The following FANCD2 variants were observed in gnomAD, a reference collection of about 807,000 sequenced individuals.
FANCD2 encodes Fanconi anemia group D2 protein.
A neutral mutation model predicts 192.3 loss-of-function variants in FANCD2; 131 were observed. The observed-to-expected ratio is 0.68, with a 90% CI of 0.59 to 0.79. The LOEUF (loss-of-function observed/expected upper bound fraction) is 0.79, where lower values mean the gene tolerates loss of function less well. Ranked by LOEUF, FANCD2 falls within the 30% of genes least tolerant of loss-of-function variation. The probability of loss-of-function intolerance (pLI) is 0.00; values close to 1 mark genes in which losing one functional copy is unlikely to be tolerated. For synonymous variants in FANCD2, 524 were observed against 612.5 expected, an observed-to-expected ratio of 0.86 and a Z score of 2.13; for missense variants, 1,508 against 1,701.6, an observed-to-expected ratio of 0.89 and a Z score of 2.00.
chr3:10,093,738 C>T (rs1232490197), intron 39 of FANCD2, among the ~76,000 whole-genome samples: 1 of 152,098 alleles, frequency 6.6e-6, no homozygotes, highest in Admixed American at 6.6e-5. Context: ...CCTGTATTAG[C>T]CCTAGATTTG....
intron 26 of FANCD2, among the ~76,000 whole-genome samples, chr3:10,069,651 A>ACGGGGTTT (rs1252707486): frequency 6.6e-6 from 1 of 151,646 alleles, no homozygotes; most frequent in Admixed American, 6.6e-5. Flanking sequence ...TTTGGTGGAG[A>ACGGGGTTT]CGGGGTTTCG....
At position 10,051,364 on chromosome 3, in the gene FANCD2, G is replaced by C. The variant is rs1233027605; in HGVS notation, c.1546-1023G>C. 5.2e-5 allele frequency among the ~76,000 whole-genome samples: 6 copies of C among 115,596 alleles called. No individual in the cohort carries two copies. The East Asian group carries it at 1.9e-3, about 36-fold the overall frequency. 75.8% of individuals were successfully genotyped at this position (115,596 alleles called of 152,430 possible). ...CCACTGCACTCCAGCCTGGGCGACA[G>C]AGCGAGACTCCGTCTCAAAAAAAAA... On this transcript the variant is annotated intron_variant, in intron 17 of 43. Transcript: ENST00000675286.
chr3:10,062,261 T>A (rs767147846), intron 20 of FANCD2, 50 bp downstream of exon 20: 24 of 1,380,802 alleles, frequency 1.7e-5, no homozygotes, highest in East Asian at 1.6e-4. Flanking sequence ...TTTTTTTTTT[T>A]AGAGAGTCTC....
At chr3:10,058,877 ATGT>A (rs1317275227) in intron 18 of FANCD2, among the ~76,000 whole-genome samples, 4 of 152,178 alleles carry the variant, frequency 2.6e-5, no homozygotes, top group African/African-American at 9.7e-5. Context: ...TCTGCAAAAC[ATGT>A]TGTGGGACTT....
intron 9 of FANCD2, chr3:10,040,882 CTT>C (rs111812387): frequency 3.1e-3 from 525 of 167,046 alleles, no homozygotes; most frequent in South Asian, 9.3e-3. Context: ...TTTGTATAGT[CTT>C]TTTTTTTTTT....
rs749465456 is a variant in FANCD2 at position 10,081,425 on chromosome 3, A to C, written c.3185A>C (p.Tyr1062Ser). 4 of 1,614,064 alleles carry C rather than the reference A, an allele frequency of 2.5e-6. No homozygotes were observed. In the Admixed American group the frequency reaches 6.7e-5, roughly 27 times the overall value. The stretch of plus-strand genomic sequence containing the variant: ...GAGTACCACATAATGTCTTCCTGCT[A>C]TCAGAGGCTGCTGCAGATTTTTCAT... ...VQEYHIMSSC[Y>S]QRLLQIFHGL... Residue 1062 changes from tyrosine to serine, a missense_variant, in exon 32 of 44, where the codon TAT becomes TCT. By Grantham distance (144) the Tyr-to-Ser change is moderately radical. This residue lies in a region of FANCD2 where 796 missense variants were observed against 879.4 expected (regional missense o/e 0.91). Coordinates refer to ENST00000675286, the MANE Select transcript of FANCD2 (RefSeq NM_001018115.3).
chr3:10,077,541 C>T (rs1693603322), intron 29 of FANCD2, among the ~76,000 whole-genome samples: 1 of 150,924 alleles, frequency 6.6e-6, no homozygotes, highest in Non-Finnish European at 1.5e-5. Context: ...GGTGACGGAA[C>T]AAGACTCTGT....
Position 10,101,771 on chromosome 3 carries a change from T to C in FANCD2, c.*509T>C, listed in dbSNP as rs572357255. On this transcript the variant is annotated 3_prime_UTR_variant, in exon 44 of 44. Coordinates refer to ENST00000675286, the MANE Select transcript of FANCD2 (RefSeq NM_001018115.3). Reference sequence around the variant, plus strand: ...CACAGTCCCTGGCTCAGGATTCTAATGTAGCATTATTTATTGGTTTGGATA... The same window carrying C: ...CACAGTCCCTGGCTCAGGATTCTAACGTAGCATTATTTATTGGTTTGGATA... 1 of 208,778 alleles carries C rather than the reference T, an allele frequency of 4.8e-6. No individual in the cohort carries two copies. The highest frequency in any genetic ancestry group is 1.4e-4 in the South Asian group (1 of 7,026). The allele number at this position is 208,778 out of a possible 1,614,324, so 12.9% of individuals were successfully genotyped here. A position where few individuals can be genotyped will look rare whatever the true frequency, so the allele number is the denominator to read the frequency against.
chr3:10,072,044 G>T (rs755140002), intron 26 of FANCD2, among the ~76,000 whole-genome samples: 13 of 152,120 alleles, frequency 8.5e-5, no homozygotes, highest in Non-Finnish European at 1.9e-4. Flanking sequence ...ACAGGCATGA[G>T]CCAGAGAGCC....
At chr3:10,080,987 C>A (rs1575823405) in intron 30 of FANCD2, 113 bp from the exon 31 acceptor site, 2 of 1,124,746 alleles carry the variant, frequency 1.8e-6, no homozygotes, top group East Asian at 4.7e-5. Context: ...CAACTCATTT[C>A]TCCCATCTGC....
At chr3:10,063,690 C>T (rs189988503) in intron 20 of FANCD2, 102 bp from the exon 21 acceptor site, 1 of 1,471,510 alleles carries the variant, frequency 6.8e-7, no homozygotes, top group Non-Finnish European at 9.5e-7. Context: ...TAGAGCTTTG[C>T]CAGTAAAATC....
chr3:10,064,801 C>T lies in FANCD2; in HGVS notation c.2094C>T (p.Asn698=). Reference sequence around the variant, plus strand: ...ACACTCAGGATGGGATTGCCATAAACCTCCTGCCGCTGCTGTTTTCTCAGG... The same window carrying T: ...ACACTCAGGATGGGATTGCCATAAATCTCCTGCCGCTGCTGTTTTCTCAGG... ...EYDTQDGIAI[N]LLPLLFSQDF... Residue 698 remains asparagine (N), a synonymous_variant, in exon 23 of 44, where the codon AAC becomes AAT. Coordinates refer to ENST00000675286, the MANE Select transcript of FANCD2 (RefSeq NM_001018115.3). 6.2e-7 allele frequency: 1 copy of T among 1,614,020 alleles called. No homozygotes were observed. The highest frequency in any genetic ancestry group is 8.5e-7 in the Non-Finnish European group (1 of 1,179,872).
intron 6 of FANCD2, 130 bp downstream of exon 6, chr3:10,035,363 A>G: frequency 2.5e-6 from 2 of 786,722 alleles, no homozygotes; most frequent in East Asian, 5.0e-5. Context: ...GCTTTAGCAC[A>G]GCCCTGTTGC....
At position 10,042,631 on chromosome 3, in the gene FANCD2, C is replaced by T; in HGVS notation, c.856C>T (p.Leu286Phe). 6.2e-7 allele frequency: 1 copy of T among 1,613,946 alleles called. No homozygotes were observed. The highest frequency in any genetic ancestry group is 8.5e-7 in the Non-Finnish European group (1 of 1,179,900). ...EDLPVIIKFI[L>F]HSVTAMDTLE... is the part of the protein sequence containing the mutation. ...TTTACCTGTGATAATAAAGTTCATTCTTCATTCCGTAACAGCCATGGATAC... is the reference window on the plus strand; with the variant it reads ...TTTACCTGTGATAATAAAGTTCATTTTTCATTCCGTAACAGCCATGGATAC... Residue 286 changes from leucine (L) to phenylalanine (F), a missense_variant, in exon 11 of 44, where the codon CTT becomes TTT. This residue lies in a region of FANCD2 where 435 missense variants were observed against 421.9 expected (regional missense o/e 1.03). Coordinates refer to ENST00000675286, the MANE Select transcript of FANCD2 (RefSeq NM_001018115.3).
At chr3:10,043,642 G>C in intron 13 of FANCD2, 50 bp downstream of exon 13, 1 of 1,419,454 alleles carries the variant, frequency 7.0e-7, no homozygotes, top group South Asian at 1.2e-5. Flanking sequence ...GTGGCAATTA[G>C]TGACAGATGT....
chr3:10,072,631 A>G (rs972990586), intron 26 of FANCD2, among the ~76,000 whole-genome samples: 4 of 152,230 alleles, frequency 2.6e-5, no homozygotes, highest in African/African-American at 9.6e-5. Context: ...TGTTAGTTAT[A>G]TATCATTATT....
intron 7 of FANCD2, 55 bp downstream of exon 7, chr3:10,036,394 C>T (rs924791275): frequency 1.2e-5 from 15 of 1,303,358 alleles, no homozygotes; most frequent in East Asian, 6.9e-5. Flanking sequence ...TAAGTTCTCT[C>T]TGAAAAGGTT....
chr3:10,065,989 G>C lies in FANCD2; in HGVS notation c.2385+10G>C. On this transcript the variant is annotated intron_variant, in intron 25 of 43. Coordinates refer to ENST00000675286, the MANE Select transcript of FANCD2 (RefSeq NM_001018115.3). ...CAACTGGTTCCGAGAGGTGAGCAGA[G>C]TTAATAGGATGTTTCACTTATTGTG... The C allele has an allele frequency of 1.3e-6, 2 of 1,482,212 alleles. No homozygotes were observed. Among genetic ancestry groups the C allele is most frequent in the Non-Finnish European group, 1.9e-6 (2 of 1,059,948 alleles). The allele number at this position is 1,482,212 out of a possible 1,614,324, so 91.8% of individuals were successfully genotyped here.
intron 26 of FANCD2, 84 bp downstream of exon 26, chr3:10,067,401 A>T: frequency 1.3e-6 from 1 of 786,562 alleles, no homozygotes; most frequent in Non-Finnish European, 2.2e-6. Context: ...TACCAAAACC[A>T]GACAAAGACA....
Sources: allele counts gnomAD v4.1 joint callset (sites outside exome capture counted in the v4.1 genomes callset), GRCh38; gene constraint gnomAD v4.1.1; regional missense constraint gnomAD v4.1.1; transcripts MANE v1.5; gene names NCBI Gene and HGNC (gene_info 2026-07-23, HGNC 2026-07-21).